Variants in LHFPL6 observed in about 807,000 individuals in gnomAD.
The protein encoded by LHFPL6 is LHFPL tetraspan subfamily member 6, also known as LHFPL tetraspan subfamily member 6 protein.
In LHFPL6, 9 loss-of-function variants were observed where a neutral mutation model predicts 20.6. The observed-to-expected ratio is 0.44, with a 90% confidence interval of 0.26 to 0.76. LHFPL6 has a LOEUF of 0.76. Ranked by LOEUF, LHFPL6 falls within the 30% of genes least tolerant of loss-of-function variation. The probability of loss-of-function intolerance (pLI) is 0.20; values close to 1 mark genes in which losing one functional copy is unlikely to be tolerated. For missense variants in LHFPL6, 218 were observed against 253.5 expected (o/e 0.86, Z 0.95); for synonymous variants, 105 against 98.7 (o/e 1.06, Z -0.38).
At chr13:39,354,629 GAGGAAACCAGTAAAATAATCCA>G (rs1460332183) in intron 3 of LHFPL6, among the ~76,000 whole-genome samples, 7 of 152,092 alleles carry the variant, frequency 4.6e-5, no homozygotes, top group African/African-American at 1.7e-4. Flanking sequence ...AATCCAACCC[GAGGAAACCAGTAAAATAATCCA>G]AGGAAACCAG....
chr13:39,423,420 TTC>T (rs1257750999), intron 2 of LHFPL6, among the ~76,000 whole-genome samples: 3 of 152,026 alleles, frequency 2.0e-5, no homozygotes, highest in African/African-American at 7.2e-5. Flanking sequence ...AAAGAAAGGC[TTC>T]TTTTTTTTTT....
intron 2 of LHFPL6, among the ~76,000 whole-genome samples, chr13:39,479,758 T>C (rs1172658324): frequency 6.6e-6 from 1 of 152,154 alleles, no homozygotes; most frequent in East Asian, 1.9e-4. Flanking sequence ...CACAAGCATT[T>C]TTATATAGTC....
chr13:39,560,655 C>T (rs1337963246), intron 2 of LHFPL6, among the ~76,000 whole-genome samples: 1 of 152,042 alleles, frequency 6.6e-6, no homozygotes, highest in Admixed American at 6.5e-5. Context: ...GCTGGAACTA[C>T]AGGTGCCCGC....
chr13:39,452,116 A>AG (rs397781375), intron 2 of LHFPL6, among the ~76,000 whole-genome samples: 5 of 148,380 alleles, frequency 3.4e-5, no homozygotes, highest in Admixed American at 6.6e-5. Flanking sequence ...AAAAAAAAAA[A>AG]GGATATAACA....
At chr13:39,525,020 C>T (rs1273724148) in intron 2 of LHFPL6, among the ~76,000 whole-genome samples, 1 of 152,158 alleles carries the variant, frequency 6.6e-6, no homozygotes, top group Non-Finnish European at 1.5e-5. Flanking sequence ...ATAAGCTCAT[C>T]TGACATAAAT....
intron 2 of LHFPL6, among the ~76,000 whole-genome samples, chr13:39,599,251 CT>C (rs1872857354): frequency 6.6e-6 from 1 of 152,158 alleles, no homozygotes; most frequent in African/African-American, 2.4e-5. Flanking sequence ...GAAAATGAAA[CT>C]GCTTAAGCAT....
chr13:39,386,639 T>C (rs998922765), intron 2 of LHFPL6, among the ~76,000 whole-genome samples: 10 of 152,236 alleles, frequency 6.6e-5, no homozygotes, highest in Non-Finnish European at 1.3e-4. Context: ...ACCATCATCA[T>C]GTTTTACTAA....
At chr13:39,369,781 G>A (rs1009371775) in intron 3 of LHFPL6, among the ~76,000 whole-genome samples, 1 of 152,000 alleles carries the variant, frequency 6.6e-6, no homozygotes, top group Non-Finnish European at 1.5e-5. Context: ...ATTTGCTTGA[G>A]GAAGTAAGTG....
chr13:39,514,880 G>T (rs1276285553), intron 2 of LHFPL6, among the ~76,000 whole-genome samples: 1 of 152,160 alleles, frequency 6.6e-6, no homozygotes, highest in Admixed American at 6.5e-5. Context: ...AGTGCTAAAG[G>T]CAGGGACTCT....
intron 2 of LHFPL6, among the ~76,000 whole-genome samples, chr13:39,409,934 C>G (rs6650471): frequency 0.28 from 42,048 of 152,114 alleles, 6,132 homozygotes; most frequent in East Asian, 0.39. Flanking sequence ...TCTAAGCCAA[C>G]TTCTACAGAG....
At chr13:39,537,886 C>T (rs1870669759) in intron 2 of LHFPL6, among the ~76,000 whole-genome samples, 2 of 151,812 alleles carry the variant, frequency 1.3e-5, no homozygotes, top group Admixed American at 6.6e-5. Flanking sequence ...CTAGAGGGCA[C>T]CCTGGAACAA....
intron 2 of LHFPL6, among the ~76,000 whole-genome samples, chr13:39,574,044 A>G (rs7333056): frequency 0.34 from 52,427 of 151,964 alleles, 10,144 homozygotes; most frequent in Non-Finnish European, 0.44. Context: ...GCATATTATA[A>G]TGGGAAGGAA....
intron 2 of LHFPL6, among the ~76,000 whole-genome samples, chr13:39,446,806 A>C (rs1421022334): frequency 6.6e-6 from 1 of 152,182 alleles, no homozygotes; most frequent in African/African-American, 2.4e-5. Flanking sequence ...TATGCAATAC[A>C]TTTGCTCTGG....
At chr13:39,545,123 G>A (rs1870938723) in intron 2 of LHFPL6, among the ~76,000 whole-genome samples, 2 of 151,672 alleles carry the variant, frequency 1.3e-5, no homozygotes, top group African/African-American at 4.9e-5. Flanking sequence ...ACGGGCGCCT[G>A]TAGTCCCAGC....
At chr13:39,408,980 T>C (rs1472978946) in intron 2 of LHFPL6, among the ~76,000 whole-genome samples, 1 of 152,210 alleles carries the variant, frequency 6.6e-6, no homozygotes, top group African/African-American at 2.4e-5. Context: ...ATCAAAGTAG[T>C]GGTCCATTTG....
intron 2 of LHFPL6, among the ~76,000 whole-genome samples, chr13:39,411,757 C>G (rs976679393): frequency 6.6e-6 from 1 of 152,206 alleles, no homozygotes; most frequent in African/African-American, 2.4e-5. Flanking sequence ...AACTATAGCC[C>G]TTGCCTACCT....
intron 2 of LHFPL6, among the ~76,000 whole-genome samples, chr13:39,453,371 T>C (rs4340189): frequency 0.55 from 83,647 of 151,684 alleles, 24,222 homozygotes; most frequent in East Asian, 0.9. Flanking sequence ...TAGGCTTATG[T>C]AGTATTTCTA....
At chr13:39,587,434 C>T (rs925957211) in intron 2 of LHFPL6, among the ~76,000 whole-genome samples, 2 of 152,124 alleles carry the variant, frequency 1.3e-5, no homozygotes, top group Non-Finnish European at 2.9e-5. Context: ...CAATGTCACT[C>T]CTGCCCTGCA....
chr13:39,501,223 G>C (rs578047664), intron 2 of LHFPL6, among the ~76,000 whole-genome samples: 2 of 152,254 alleles, frequency 1.3e-5, no homozygotes. Flanking sequence ...CTAGTAAGCA[G>C]GCCTTTTGAT....
Sources: allele counts gnomAD v4.1 joint callset (sites outside exome capture counted in the v4.1 genomes callset), GRCh38; gene constraint gnomAD v4.1.1; transcripts MANE v1.5; gene names NCBI Gene and HGNC (gene_info 2026-07-23, HGNC 2026-07-21).